Variants in ITPR2 observed in about 807,000 individuals in gnomAD.
The protein encoded by ITPR2 is inositol 1,4,5-trisphosphate-gated calcium channel ITPR2.
Under a neutral mutation model 317.1 loss-of-function variants are expected in ITPR2, and 207 were observed. The observed-to-expected ratio is 0.65, with a 90% CI of 0.58 to 0.73. The LOEUF is 0.73. Among genes scored for constraint, ITPR2 ranks in the 30% least tolerant of loss-of-function variants. The probability of loss-of-function intolerance (pLI) is 0.00; values close to 1 mark genes in which losing one functional copy is unlikely to be tolerated. For missense variants in ITPR2, 2,613 were observed against 3,284.0 expected, an observed-to-expected ratio of 0.80 and a Z score of 4.99; for synonymous variants, 1,156 against 1,149.1, an observed-to-expected ratio of 1.01 and a Z score of -0.12.
At chr12:26,381,631 G>A (rs1170522736) in intron 55 of ITPR2, among the ~76,000 whole-genome samples, 1 of 152,200 alleles carries the variant, frequency 6.6e-6, no homozygotes, top group East Asian at 1.9e-4. Context: ...AAAAACATGA[G>A]TTAAATTGTC....
chr12:26,354,084 G>T (rs1938560915), intron 55 of ITPR2, among the ~76,000 whole-genome samples: 1 of 152,050 alleles, frequency 6.6e-6, no homozygotes, highest in Non-Finnish European at 1.5e-5. Context: ...GACCAGCCCG[G>T]CCAACATGGT....
At position 26,336,757 on chromosome 12, in the gene ITPR2, A is replaced by G. The variant is rs1363524829; in HGVS notation, c.*2640T>C. On this transcript the variant is annotated 3_prime_UTR_variant, in exon 57 of 57. Transcript: ENST00000381340. ...TTTTTTCAAAATCTCCCTTAACATC[A>G]AAGTTCAAGATGATTGCATTTATTT... is the stretch of plus-strand genomic sequence containing the variant. 2.0e-5 allele frequency: 3 copies of G among 152,210 alleles called. No homozygotes were observed. Among genetic ancestry groups the G allele is most frequent in the Non-Finnish European group, 4.4e-5 (3 of 68,020 alleles). The allele number at this position is 152,210 out of a possible 1,614,324, so 9.4% of individuals were successfully genotyped here. A position where few individuals can be genotyped will look rare whatever the true frequency, so the allele number is the denominator to read the frequency against.
chr12:26,766,838 A>G (rs2137137611), intron 2 of ITPR2, among the ~76,000 whole-genome samples: 1 of 152,300 alleles, frequency 6.6e-6, no homozygotes, highest in South Asian at 2.1e-4. Flanking sequence ...CCTATATTCT[A>G]AAGAGAGAAG....
intron 2 of ITPR2, among the ~76,000 whole-genome samples, chr12:26,737,006 T>A (rs1340941388): frequency 6.6e-6 from 1 of 152,192 alleles, no homozygotes; most frequent in African/African-American, 2.4e-5. Flanking sequence ...GTAGCTAAAC[T>A]TCTACATGTA....
At chr12:26,784,358 T>G (rs1234491225) in intron 2 of ITPR2, among the ~76,000 whole-genome samples, 1 of 29,640 alleles carries the variant, frequency 3.4e-5, no homozygotes, top group African/African-American at 7.9e-5. Flanking sequence ...TCCCTCTCCC[T>G]CTCCCTCCAC....
At chr12:26,784,283 C>CCCT (rs1467431632) in intron 2 of ITPR2, among the ~76,000 whole-genome samples, 2 of 6,424 alleles carry the variant, frequency 3.1e-4, no homozygotes, top group South Asian at 6.7e-3. Context: ...CTCTCCCTCT[C>CCCT]CCTCTCCCTC....
At chr12:26,662,519 T>A (rs1050688688) in intron 15 of ITPR2, among the ~76,000 whole-genome samples, 2 of 152,170 alleles carry the variant, frequency 1.3e-5, no homozygotes, top group African/African-American at 2.4e-5. Flanking sequence ...CCATCCTTCT[T>A]CATGGACCAA....
intron 1 of ITPR2, among the ~76,000 whole-genome samples, chr12:26,829,339 C>CT (rs201744477): frequency 6.1e-5 from 9 of 147,416 alleles, no homozygotes; most frequent in Admixed American, 2.7e-4. Flanking sequence ...TTCATAGCAC[C>CT]TTTTTTTTTT....
intron 30 of ITPR2, among the ~76,000 whole-genome samples, chr12:26,598,289 A>G (rs1945900481): frequency 6.6e-6 from 1 of 152,256 alleles, no homozygotes; most frequent in African/African-American, 2.4e-5. Context: ...ATTAATTTTA[A>G]GATTTCTAAG....
At chr12:26,742,530 T>C (rs1306657675) in intron 2 of ITPR2, among the ~76,000 whole-genome samples, 1 of 152,176 alleles carries the variant, frequency 6.6e-6, no homozygotes, top group East Asian at 1.9e-4. Context: ...AAAGGAATGA[T>C]GTGGCCAGGT....
In ITPR2 at chr12:26,381,818, G is replaced by T. The variant is rs550314690; in HGVS notation, c.7857+5616C>A. Among the ~76,000 whole-genome samples, 3 of 152,332 alleles carry T rather than the reference G, an allele frequency of 2.0e-5. No homozygotes were observed. In the East Asian group the frequency reaches 5.8e-4, roughly 29 times the overall value. ...GCAGCCCAGTGCTGTCAGAATACTT[G>T]TGGAGGCAGCAGCTCTCCAGACACG... On this transcript the variant is annotated intron_variant, in intron 55 of 56. Coordinates refer to ENST00000381340, the MANE Select transcript of ITPR2 (RefSeq NM_002223.4).
At chr12:26,571,119 G>T (rs1945148852) in intron 34 of ITPR2, among the ~76,000 whole-genome samples, 3 of 152,172 alleles carry the variant, frequency 2.0e-5, no homozygotes, top group African/African-American at 7.2e-5. Context: ...CGTAACAATG[G>T]AGGTAAATAT....
intron 37 of ITPR2, among the ~76,000 whole-genome samples, chr12:26,549,314 T>C (rs937531948): frequency 6.6e-6 from 1 of 152,206 alleles, no homozygotes; most frequent in Non-Finnish European, 1.5e-5. Flanking sequence ...GAAACAAACA[T>C]TGATTCACAT....
At chr12:26,621,952 A>G (rs1321796766) in intron 25 of ITPR2, among the ~76,000 whole-genome samples, 1 of 152,228 alleles carries the variant, frequency 6.6e-6, no homozygotes, top group Non-Finnish European at 1.5e-5. Context: ...ATAAAATAAT[A>G]GCAGTGGTAA....
chr12:26,449,549 T>C (rs1162927573), intron 45 of ITPR2, among the ~76,000 whole-genome samples: 5 of 152,238 alleles, frequency 3.3e-5, no homozygotes, highest in South Asian at 2.1e-4. Flanking sequence ...ATGTAATTAA[T>C]ACAAGGAAAA....
At chr12:26,759,995 C>G (rs1245520771) in intron 2 of ITPR2, among the ~76,000 whole-genome samples, 1 of 152,226 alleles carries the variant, frequency 6.6e-6, no homozygotes. Flanking sequence ...CCAAAATCTA[C>G]AGAAGCTCAA....
intron 52 of ITPR2, among the ~76,000 whole-genome samples, chr12:26,405,271 A>G (rs1309647552): frequency 6.6e-6 from 1 of 152,248 alleles, no homozygotes; most frequent in African/African-American, 2.4e-5. Flanking sequence ...ATATATACCT[A>G]TGAAGAACTT....
rs199625870 is a variant in ITPR2 at position 26,832,784 on chromosome 12, T to C, written c.-3A>G. The stretch of plus-strand genomic sequence containing the variant: ...AAGCTGGACATTTTCTCAGTCATGC[T>C]GCTTCATGTTCCACAGTGGACGTCC... On this transcript the variant is annotated 5_prime_UTR_variant, in exon 1 of 57. Coordinates refer to ENST00000381340, the MANE Select transcript of ITPR2 (RefSeq NM_002223.4). The C allele has an allele frequency of 5.1e-5, 82 of 1,598,052 alleles. No homozygotes were observed. The East Asian group carries it at 1.9e-3, about 37-fold the overall frequency.
chr12:26,510,606 C>A (rs140748201), intron 37 of ITPR2, among the ~76,000 whole-genome samples: 18 of 152,346 alleles, frequency 1.2e-4, no homozygotes, highest in African/African-American at 4.1e-4. Flanking sequence ...CACAGAAATG[C>A]AGTCATTTTC....
Sources: allele counts gnomAD v4.1 joint callset (sites outside exome capture counted in the v4.1 genomes callset), GRCh38; gene constraint gnomAD v4.1.1; transcripts MANE v1.5; gene names NCBI Gene and HGNC (gene_info 2026-07-23, HGNC 2026-07-21).